The following MXD3 variants were observed in gnomAD, a reference collection of about 807,000 sequenced individuals.
MXD3 encodes the protein MAX dimerization protein 3.
A neutral mutation model predicts 27.5 loss-of-function variants in MXD3; 20 were observed. That is an observed-to-expected ratio of 0.73 (90% CI 0.51 to 1.06). The LOEUF is 1.06. Among genes scored for constraint, MXD3 ranks in the 50% least tolerant of loss-of-function variants. MXD3 has a pLI of 0.00. For synonymous variants in MXD3, 150 were observed against 130.7 expected, an observed-to-expected ratio of 1.15 and a Z score of -1.01; for missense variants, 298 against 291.3, an observed-to-expected ratio of 1.02 and a Z score of -0.17.
chr5:177,311,587 C>T (rs1018200760), intron 1 of MXD3, 103 bp from the exon 2 acceptor site: 9 of 1,178,422 alleles, frequency 7.6e-6, no homozygotes, highest in Middle Eastern at 4.0e-4. Context: ...GCGCCAGGAC[C>T]ATTTCCCCCA....
rs139047359 is a variant in MXD3 at position 177,309,744 on chromosome 5, C to T, written c.321+682G>A. On this transcript the variant is annotated intron_variant, in intron 4 of 5. Coordinates refer to ENST00000439742, the MANE Select transcript of MXD3 (RefSeq NM_031300.4). The stretch of plus-strand genomic sequence containing the variant: ...CCATCAGCTGTGCAACTTGTTGGCC[C>T]TCAGCCTAGCTGTGCCTTCATGTAT... Among the ~76,000 whole-genome samples the T allele has an allele frequency of 7.2e-5, 11 of 152,278 alleles. No homozygotes were observed. The East Asian group carries it at 2.1e-3, about 29-fold the overall frequency.
chr5:177,311,508 C>G (rs1001208636), intron 1 of MXD3, 24 bp from the exon 2 acceptor site: 10 of 1,414,510 alleles, frequency 7.1e-6, no homozygotes, highest in Non-Finnish European at 8.3e-6. Context: ...TCCCCGCCCG[C>G]GTCAGGCTGG....
downstream of MXD3, chr5:177,305,723 C>A (rs1760851672): frequency 3.0e-6 from 2 of 665,732 alleles, no homozygotes; most frequent in Non-Finnish European, 5.2e-6. Context: ...GCTTCTTGTT[C>A]TGTCAGTGCC....
At position 177,307,456 on chromosome 5, in the gene MXD3, T is replaced by A. The variant is rs1490175506; in HGVS notation, c.*132A>T. On this transcript the variant is annotated 3_prime_UTR_variant, in exon 6 of 6. Coordinates refer to ENST00000439742, the MANE Select transcript of MXD3 (RefSeq NM_031300.4). ...AGCAGGGTGTTTGGGGAGCACCTGT[T>A]CCCACACAAGGGTCCTTTTAGTCCA... is the stretch of plus-strand genomic sequence containing the variant. 8 of 1,529,758 alleles carry A rather than the reference T, an allele frequency of 5.2e-6. No homozygotes were observed. Among genetic ancestry groups the A allele is most frequent in the Non-Finnish European group, 6.2e-6 (7 of 1,137,580 alleles). The allele number at this position is 1,529,758 out of a possible 1,614,324, so 94.8% of individuals were successfully genotyped here. A position where few individuals can be genotyped will look rare whatever the true frequency, so the allele number is the denominator to read the frequency against.
downstream of MXD3, chr5:177,306,728 A>G (rs1760888296): frequency 4.3e-6 from 5 of 1,154,558 alleles, no homozygotes; most frequent in Middle Eastern, 2.0e-4. Context: ...CACCAAGCAC[A>G]TGATTCATGT....
intron 4 of MXD3, among the ~76,000 whole-genome samples, chr5:177,309,806 G>A (rs143267925): frequency 6.6e-6 from 1 of 152,356 alleles, no homozygotes; most frequent in African/African-American, 2.4e-5. Flanking sequence ...TGGTTTCCAA[G>A]GCCACTTCTG....
chr5:177,305,896 G>C (rs1234707559), downstream of MXD3: 2 of 1,614,024 alleles, frequency 1.2e-6, no homozygotes, highest in Non-Finnish European at 1.7e-6. Flanking sequence ...TGTGTTTACT[G>C]TGTGAACTCT....
intron 2 of MXD3, chr5:177,311,167 C>T (rs1029131592): frequency 5.8e-6 from 3 of 521,508 alleles, no homozygotes; most frequent in Non-Finnish European, 1.0e-5. Context: ...TGGCAGTTCC[C>T]GGCACATCTA....
chr5:177,308,144 GC>G lies in MXD3; in HGVS notation c.322-181del, dbSNP rs542849820. ...CCTCCAGAAAGCCAGCCCCTTTCCG[GC>G]CATGCACACGTCCTGTCAGGGTGCT... On this transcript the variant is annotated intron_variant, in intron 4 of 5. Transcript: ENST00000439742. 5,664 of 605,884 alleles carry G rather than the reference GC, an allele frequency of 9.3e-3. 103 individuals carry two copies. The highest frequency in any genetic ancestry group is 0.049 in the South Asian group (2,202 of 45,040). 37.5% of individuals were successfully genotyped at this position (605,884 alleles called of 1,614,324 possible). A position where few individuals can be genotyped will look rare whatever the true frequency, so the allele number is the denominator to read the frequency against.
At chr5:177,309,764 A>C (rs1760988520) in intron 4 of MXD3, among the ~76,000 whole-genome samples, 1 of 152,222 alleles carries the variant, frequency 6.6e-6, no homozygotes, top group South Asian at 2.1e-4. Flanking sequence ...CTGTGCCTTC[A>C]TGTATTCCTC....
rs1005844114 is a variant in MXD3, at chr5:177,311,579, G to A, written c.71-95C>T. ...GCACGGTCAAGGAAAGGCTTTTGGC[G>A]CCAGGACCATTTCCCCCACCCGTCC... is the stretch of plus-strand genomic sequence containing the variant. On this transcript the variant is annotated intron_variant, in intron 1 of 5. Coordinates refer to ENST00000439742, the MANE Select transcript of MXD3 (RefSeq NM_031300.4). 9 of 1,203,334 alleles carry A rather than the reference G, an allele frequency of 7.5e-6. No homozygotes were observed. The African/African-American group carries it at 9.4e-5, about 13-fold the overall frequency. The allele number at this position is 1,203,334 out of a possible 1,614,324, so 74.5% of individuals were successfully genotyped here. A position where few individuals can be genotyped will look rare whatever the true frequency, so the allele number is the denominator to read the frequency against.
In MXD3 at chr5:177,307,312, T is replaced by G; in HGVS notation, c.*276A>C. The G allele has an allele frequency of 6.5e-7, 1 of 1,547,400 alleles. No homozygotes were observed. The highest frequency in any genetic ancestry group is 8.7e-7 in the Non-Finnish European group (1 of 1,144,070). The stretch of plus-strand genomic sequence containing the variant: ...GAGGCCCAAGAGGCTTCCTGTCCCC[T>G]TGGGGGCAGCAGAGCCAAATGCTTG... On this transcript the variant is annotated 3_prime_UTR_variant, in exon 6 of 6. Transcript: ENST00000439742.
upstream of MXD3, chr5:177,312,499 G>A (rs958813900): frequency 2.3e-4 from 222 of 985,332 alleles, no homozygotes; most frequent in Non-Finnish European, 2.5e-4. Flanking sequence ...GGGTTGAGAG[G>A]GGAGCTGGGC....
At chr5:177,310,594 A>C in intron 3 of MXD3, 54 bp from the exon 4 acceptor site, 1 of 1,612,684 alleles carries the variant, frequency 6.2e-7, no homozygotes, top group Non-Finnish European at 8.5e-7. Context: ...CGGCCACAGG[A>C]ATGGCAGGGG....
chr5:177,307,026 G>A (rs147499008), downstream of MXD3: 113 of 1,442,702 alleles, frequency 7.8e-5, no homozygotes, highest in African/African-American at 9.3e-4. Context: ...GGCGAGTCAC[G>A]TCACTCAGCC....
Position 177,310,654 on chromosome 5 carries a change from G to A in MXD3, c.206+14C>T. 3 of 1,614,200 alleles carry A rather than the reference G, an allele frequency of 1.9e-6. No individual in the cohort carries two copies. Among genetic ancestry groups the A allele is most frequent in the Middle Eastern group, 3.3e-4 (2 of 6,062 alleles). ...CCTGGGGGCTGGCGCTGTCAGGGCA[G>A]GACTGGGACTCACCTGCGCTTCTCC... On this transcript the variant is annotated intron_variant, in intron 3 of 5. Transcript: ENST00000439742.
At chr5:177,308,050 G>A (rs1760934577) in intron 4 of MXD3, 86 bp from the exon 5 acceptor site, 2 of 1,282,198 alleles carry the variant, frequency 1.6e-6, no homozygotes, top group Non-Finnish European at 2.1e-6. Context: ...CCGGGCCACG[G>A]CCACAGGGCC....
At chr5:177,311,208 T>C (rs978792438) in intron 2 of MXD3, 171 bp downstream of exon 2, 26 of 518,974 alleles carry the variant, frequency 5.0e-5, no homozygotes, top group African/African-American at 3.2e-4. Flanking sequence ...CTTGAATGAA[T>C]AGAAAGGTGT....
At position 177,307,595 on chromosome 5, in the gene MXD3, C is replaced by G. The variant is rs763480619; in HGVS notation, c.614G>C (p.Trp205Ser). The change falls in exon 6 of 6, where the codon TGG becomes TCG. Residue 205 changes from tryptophan (W) to serine (S), a missense_variant. Coordinates refer to ENST00000439742, the MANE Select transcript of MXD3 (RefSeq NM_031300.4). ...EHSYSHGGGA[W>S]L The stretch of plus-strand genomic sequence containing the variant: ...CGCCCTGGGTGAGGAACATCATAGC[C>G]AGGCGCCGCCGCCGTGCGAGTAGCT... 6.2e-7 allele frequency: 1 copy of G among 1,612,590 alleles called. No homozygotes were observed. The highest frequency in any genetic ancestry group is 1.1e-5 in the South Asian group (1 of 91,058).
Sources: gnomAD v4.1 joint callset for allele counts (sites outside exome capture counted in the v4.1 genomes callset) on GRCh38, gnomAD v4.1.1 for gene constraint, MANE v1.5 for transcripts, NCBI Gene and HGNC (gene_info 2026-07-23, HGNC 2026-07-21) for gene names.